Variants in KIF1C observed in about 807,000 individuals in gnomAD.
KIF1C encodes kinesin family member 1C.
In KIF1C, 61 loss-of-function variants were observed where a neutral mutation model predicts 126.5. The ratio of observed to expected loss-of-function variants is 0.48; its 90% confidence interval spans 0.39 to 0.60. The LOEUF is 0.60. Among genes scored for constraint, KIF1C ranks in the 20% least tolerant of loss-of-function variants. KIF1C has a pLI of 0.00. For missense variants in KIF1C, 1,315 were observed against 1,489.2 expected (o/e 0.88, Z 1.93); for synonymous variants, 640 against 580.6 (o/e 1.10, Z -1.47).
rs983915892 is a variant in KIF1C at position 5,014,094 on chromosome 17, G to A, written c.1571+362G>A. ...CACGGCCTGGTCTGTGCGGTTGAGG[G>A]CTGGGCAGCTAAGGGCATGTGGCTC... On this transcript the variant is annotated intron_variant, in intron 17 of 22. Transcript: ENST00000320785. 1.1e-4 allele frequency: 27 copies of A among 239,054 alleles called. No homozygotes were observed. The Admixed American group carries it at 1.1e-3, about 10-fold the overall frequency. The allele number at this position is 239,054 out of a possible 1,614,324, so 14.8% of individuals were successfully genotyped here. A position where few individuals can be genotyped will look rare whatever the true frequency, so the allele number is the denominator to read the frequency against.
Position 5,002,631 on chromosome 17 carries a change from A to C in KIF1C, c.597A>C (p.Gly199=), listed in dbSNP as rs1358417578. 1 of 1,611,888 alleles carries C rather than the reference A, an allele frequency of 6.2e-7. No homozygotes were observed. Among genetic ancestry groups the C allele is most frequent in the African/African-American group, 1.3e-5 (1 of 74,860 alleles). The part of the protein sequence containing the change: ...YADIADLMDC[G]NKARTVAATN... ...ACATTGCTGACCTCATGGACTGTGGAAATAAAGCACGGTGAGGCAGGCTGA... is the reference window on the plus strand; with the variant it reads ...ACATTGCTGACCTCATGGACTGTGGCAATAAAGCACGGTGAGGCAGGCTGA... The change falls in exon 7 of 23, where the codon GGA becomes GGC. Residue 199 remains glycine, a synonymous_variant. Transcript: ENST00000320785.
At position 5,025,420 on chromosome 17, in the gene KIF1C, T is replaced by G. The variant is rs1440468492; in HGVS notation, c.*1269T>G. 1.3e-5 allele frequency: 2 copies of G among 152,254 alleles called. No individual in the cohort carries two copies. Among genetic ancestry groups the G allele is most frequent in the Admixed American group, 1.3e-4 (2 of 15,284 alleles). 9.4% of individuals were successfully genotyped at this position (152,254 alleles called of 1,614,324 possible). On this transcript the variant is annotated 3_prime_UTR_variant, in exon 23 of 23. Coordinates refer to ENST00000320785, the MANE Select transcript of KIF1C (RefSeq NM_006612.6). ...CCAGTTTCTCTTGATAGTGAATGGG[T>G]TGGGCAAGCATACTGCGCTTACCTG...
rs1235493761 is a variant in KIF1C at position 5,022,110 on chromosome 17, G to A, written c.2029G>A (p.Gly677Arg). 6.8e-6 allele frequency: 11 copies of A among 1,606,666 alleles called. No individual in the cohort carries two copies. Among genetic ancestry groups the A allele is most frequent in the South Asian group, 1.1e-5 (1 of 90,782 alleles). ...QQRLYADSDS[G>R]DDSDKRSCEE... ...GCCCCAGTATGCAGACTCGGACAGC[G>A]GGGATGACTCTGACAAGCGCTCTTG... Residue 677 changes from glycine to arginine, a missense_variant, in exon 22 of 23, where the codon GGG becomes AGG. Physicochemically the swap from Gly to Arg is moderately radical, Grantham distance 125. This residue lies in a region of KIF1C where 874 missense variants were observed against 1,053.2 expected (regional missense o/e 0.83). Transcript: ENST00000320785. The surrounding 1 kb of genome is among the most constrained non-coding windows in gnomAD (Gnocchi z 4.9).
chr17:5,007,735 G>T (rs1372458369), intron 16 of KIF1C, among the ~76,000 whole-genome samples, 193 bp downstream of exon 16: 1 of 152,144 alleles, frequency 6.6e-6, no homozygotes, highest in Non-Finnish European at 1.5e-5. Context: ...TCTCCCTTCA[G>T]CCATTCAACA....
chr17:5,008,056 C>T (rs1233804556), intron 16 of KIF1C, among the ~76,000 whole-genome samples: 2 of 152,060 alleles, frequency 1.3e-5, no homozygotes, highest in Non-Finnish European at 2.9e-5. Flanking sequence ...GAAAGATGGA[C>T]AGGACTTGGG....
chr17:5,002,587 G>T lies in KIF1C; in HGVS notation c.553G>T (p.Ala185Ser). Reference protein sequence around the residue: ...GPYVQDLSKLAVTSYADIADL... With the variant: ...GPYVQDLSKLSVTSYADIADL... Reference sequence around the variant, plus strand: ...GTACGTGCAGGACCTGTCCAAATTGGCTGTGACCTCCTACGCAGACATTGC... The same window carrying T: ...GTACGTGCAGGACCTGTCCAAATTGTCTGTGACCTCCTACGCAGACATTGC... The change falls in exon 7 of 23, where the codon GCT becomes TCT. Residue 185 changes from alanine to serine, a missense_variant. Physicochemically the swap from Ala to Ser is moderately conservative, Grantham distance 99. Transcript: ENST00000320785. 1 of 1,613,982 alleles carries T rather than the reference G, an allele frequency of 6.2e-7. No homozygotes were observed. The highest frequency in any genetic ancestry group is 8.5e-7 in the Non-Finnish European group (1 of 1,179,894).
chr17:5,007,487 T>C lies in KIF1C; in HGVS notation c.1436T>C (p.Met479Thr). Reference sequence around the variant, plus strand: ...CACAGAGAAGCATTGCTGGCTGAGATGGGGGTGGCCGTCCGGGAGGATGGG... The same window carrying C: ...CACAGAGAAGCATTGCTGGCTGAGACGGGGGTGGCCGTCCGGGAGGATGGG... The part of the protein sequence containing the change: ...RMEREALLAE[M>T]GVAVREDGGT... Residue 479 changes from methionine (M) to threonine (T), a missense_variant, in exon 16 of 23, where the codon ATG becomes ACG. By Grantham distance (81) the Met-to-Thr change is moderately conservative. Around this residue, in one of 2 missense-constraint regions of KIF1C, gnomAD observed 874 missense variants for 1,053.2 expected, o/e 0.83. Transcript: ENST00000320785. 1 of 1,582,740 alleles carries C rather than the reference T, an allele frequency of 6.3e-7. No individual in the cohort carries two copies. The highest frequency in any genetic ancestry group is 8.6e-7 in the Non-Finnish European group (1 of 1,164,358).
In KIF1C at chr17:5,024,159, A is replaced by AT; in HGVS notation, c.*9dup. 3.1e-6 allele frequency: 5 copies of AT among 1,593,258 alleles called. No homozygotes were observed. In the South Asian group the frequency reaches 4.5e-5, roughly 14 times the overall value. ...AGTGGGGCAGCTGTGTGAGTCCCAC[A>AT]TCCTGGGCAGAGGGCCTGGTGGGGC... On this transcript the variant is annotated 3_prime_UTR_variant, in exon 23 of 23. Transcript: ENST00000320785.
chr17:5,014,630 T>C, intron 17 of KIF1C, 113 bp from the exon 18 acceptor site: 1 of 771,814 alleles, frequency 1.3e-6, no homozygotes, highest in Non-Finnish European at 2.2e-6. Context: ...TGCTTCCTCA[T>C]CTGTGAAATG....
rs768232121 is a variant in KIF1C, at chr17:5,004,564, CA to C, written c.941-2del. The stretch of plus-strand genomic sequence containing the variant: ...GAAGCTTTTCCATGCACTCCATTCA[CA>C]GGGGGGAACTCACGCACAGCCATGA... On this transcript the variant is annotated splice_acceptor_variant, in intron 11 of 22. Coordinates refer to ENST00000320785, the MANE Select transcript of KIF1C (RefSeq NM_006612.6). LOFTEE classifies it high-confidence loss of function. The C allele has an allele frequency of 1.9e-6, 3 of 1,614,024 alleles. No homozygotes were observed. Among genetic ancestry groups the C allele is most frequent in the Admixed American group, 1.7e-5 (1 of 60,018 alleles).
At chr17:5,003,562 C>A in intron 8 of KIF1C, 50 bp from the exon 9 acceptor site, 1 of 1,356,566 alleles carries the variant, frequency 7.4e-7, no homozygotes, top group Non-Finnish European at 1.0e-6. Context: ...GATTTCCCTG[C>A]CCCGTCCCCC....
chr17:5,006,906 C>G lies in KIF1C; in HGVS notation c.1166-9C>G. On this transcript the variant is annotated splice_polypyrimidine_tract_variant and intron_variant, in intron 13 of 22. Transcript: ENST00000320785. ...TAGCCTCATTCTTTTTCCTCTTTCTCCCTCCCAGGCCTGAAGACGGAAGAA... is the reference window on the plus strand; with the variant it reads ...TAGCCTCATTCTTTTTCCTCTTTCTGCCTCCCAGGCCTGAAGACGGAAGAA... The G allele has an allele frequency of 1.2e-6, 2 of 1,611,376 alleles. No individual in the cohort carries two copies. The highest frequency in any genetic ancestry group is 1.1e-5 in the South Asian group (1 of 90,800).
In KIF1C at chr17:5,005,062, T is replaced by C. The variant is rs1247138975; in HGVS notation, c.1165+62T>C. The C allele has an allele frequency of 2.5e-6, 4 of 1,606,490 alleles. No homozygotes were observed. In the East Asian group the frequency reaches 6.7e-5, roughly 27 times the overall value. The stretch of plus-strand genomic sequence containing the variant: ...CTTGGCCCACCCCATCCCTCCTCAC[T>C]TGCCTTTGCCCAGTCCTGGAGCCAG... On this transcript the variant is annotated intron_variant, in intron 13 of 22. Transcript: ENST00000320785.
chr17:5,017,737 C>T (rs186753681), intron 18 of KIF1C, among the ~76,000 whole-genome samples: 56 of 152,048 alleles, frequency 3.7e-4, no homozygotes, highest in African/African-American at 1.3e-3. Flanking sequence ...CATTTTCTCA[C>T]ACAGCTCACA....
intron 13 of KIF1C, 70 bp downstream of exon 13, chr17:5,005,070 G>T: frequency 6.3e-7 from 1 of 1,599,236 alleles, no homozygotes; most frequent in Non-Finnish European, 8.5e-7. Flanking sequence ...ACTTGCCTTT[G>T]CCCAGTCCTG....
intron 17 of KIF1C, 45 bp downstream of exon 17, chr17:5,013,777 G>A (rs751958654): frequency 1.3e-6 from 2 of 1,497,164 alleles, no homozygotes; most frequent in Non-Finnish European, 1.9e-6. Context: ...TGCTTTTGGG[G>A]TGTGGCTGCC....
rs1175405320 is a variant in KIF1C, at chr17:5,020,196, C to T, written c.1750+117C>T. The stretch of plus-strand genomic sequence containing the variant: ...ACCCTGAAATACATCAGAAATAGCA[C>T]GGGGATATAAAGAAGGAACTGGGAA... On this transcript the variant is annotated intron_variant, in intron 19 of 22. Transcript: ENST00000320785. The surrounding 1 kb of genome is among the most constrained non-coding windows in gnomAD (Gnocchi z 5.8). 1.1e-5 allele frequency: 9 copies of T among 811,058 alleles called. No homozygotes were observed. The highest frequency in any genetic ancestry group is 6.8e-5 in the African/African-American group (4 of 58,768). The allele number at this position is 811,058 out of a possible 1,614,324, so 50.2% of individuals were successfully genotyped here.
At position 5,018,614 on chromosome 17, in the gene KIF1C, A is replaced by G. The variant is rs866158069; in HGVS notation, c.1667-1382A>G. Among the ~76,000 whole-genome samples, 4 of 151,872 alleles carry G rather than the reference A, an allele frequency of 2.6e-5. No individual in the cohort carries two copies. The East Asian group carries it at 5.9e-4, about 22-fold the overall frequency. Reference sequence around the variant, plus strand: ...TGAGGCAGGAGAATTGCTTGAACCCAGGAGGAGAGGTTGCAGTGAGCTGAG... The same window carrying G: ...TGAGGCAGGAGAATTGCTTGAACCCGGGAGGAGAGGTTGCAGTGAGCTGAG... On this transcript the variant is annotated intron_variant, in intron 18 of 22. Coordinates refer to ENST00000320785, the MANE Select transcript of KIF1C (RefSeq NM_006612.6).
Position 5,022,130 on chromosome 17 carries a change from C to T in KIF1C, c.2049C>T (p.Arg683=), listed in dbSNP as rs1975102956. 6.2e-7 allele frequency: 1 copy of T among 1,611,800 alleles called. No homozygotes were observed. Among genetic ancestry groups the T allele is most frequent in the Non-Finnish European group, 8.5e-7 (1 of 1,178,330 alleles). Residue 683 remains arginine (R), a synonymous_variant, in exon 22 of 23, where the codon CGC becomes CGT. Coordinates refer to ENST00000320785, the MANE Select transcript of KIF1C (RefSeq NM_006612.6). This position sits in a 1 kb window ranked among gnomAD's most constrained non-coding sequence, Gnocchi z 4.9. ...DSDSGDDSDK[R]SCEESWRLIS... Reference sequence around the variant, plus strand: ...ACAGCGGGGATGACTCTGACAAGCGCTCTTGTGAAGAGAGCTGGAGGCTCA... The same window carrying T: ...ACAGCGGGGATGACTCTGACAAGCGTTCTTGTGAAGAGAGCTGGAGGCTCA...
Sources: allele counts gnomAD v4.1 joint callset (sites outside exome capture counted in the v4.1 genomes callset), GRCh38; gene constraint gnomAD v4.1.1; regional missense constraint gnomAD v4.1.1; non-coding constraint Gnocchi (gnomAD v3.1); transcripts MANE v1.5; gene names NCBI Gene and HGNC (gene_info 2026-07-23, HGNC 2026-07-21).